The following ANOS1 variants were observed in gnomAD, a reference collection of about 807,000 sequenced individuals.
ANOS1 encodes the protein anosmin-1.
ANOS1 carries 6 observed loss-of-function variants against 59.0 expected under a neutral mutation model. The observed-to-expected ratio is 0.10, with a 90% CI of 0.06 to 0.20. The LOEUF is 0.20. Among genes scored for constraint, ANOS1 ranks in the 10% least tolerant of loss-of-function variants. The probability of loss-of-function intolerance (pLI) is 1.00; values close to 1 mark genes in which losing one functional copy is unlikely to be tolerated. For synonymous variants in ANOS1, 217 were observed against 223.4 expected, an observed-to-expected ratio of 0.97 and a Z score of 0.25; for missense variants, 433 against 542.3, an observed-to-expected ratio of 0.80 and a Z score of 2.00.
At chrX:8,666,195 C>G (rs1407699838) in intron 2 of ANOS1, among the ~76,000 whole-genome samples, 1 of 110,843 alleles carries the variant, frequency 9.0e-6, no homozygotes, top group African/African-American at 3.3e-5. Context: ...CAACCTGTCT[C>G]TAAAAACAAA....
At chrX:8,626,355 A>G (rs759155817) in intron 2 of ANOS1, among the ~76,000 whole-genome samples, 6 of 110,179 alleles carry the variant, frequency 5.4e-5, no homozygotes, top group African/African-American at 2.0e-4. Context: ...AAATTTTTAG[A>G]TGTCATAGTA....
At chrX:8,679,199 C>T (rs868104646) in intron 2 of ANOS1, among the ~76,000 whole-genome samples, 12 of 111,341 alleles carry the variant, frequency 1.1e-4, no homozygotes, top group Admixed American at 9.6e-5. Flanking sequence ...ATGATACCAT[C>T]CTGCCAACCT....
chrX:8,647,045 G>T (rs746464675), intron 2 of ANOS1, among the ~76,000 whole-genome samples: 3 of 110,105 alleles, frequency 2.7e-5, no homozygotes, highest in Non-Finnish European at 5.7e-5. Context: ...AGCATAGAAC[G>T]CTTTGTTCTA....
chrX:8,582,644 G>A (rs1387254910), intron 6 of ANOS1, among the ~76,000 whole-genome samples: 1 of 111,107 alleles, frequency 9.0e-6, no homozygotes, highest in Non-Finnish European at 1.9e-5. Flanking sequence ...CGTTGAGAGA[G>A]GACTAAAAAG....
chrX:8,547,549 A>G (rs145736975), intron 9 of ANOS1, among the ~76,000 whole-genome samples: 14 of 112,119 alleles, frequency 1.2e-4, no homozygotes, highest in African/African-American at 3.6e-4. Context: ...GCAACTGCCT[A>G]ACTGCCTAAG....
At chrX:8,565,473 C>A (rs1418337433) in intron 8 of ANOS1, among the ~76,000 whole-genome samples, 2 of 111,936 alleles carry the variant, frequency 1.8e-5, no homozygotes, top group Admixed American at 1.9e-4. Flanking sequence ...TGTAACTACG[C>A]TGATATTTTC....
chrX:8,608,344 C>T (rs1322059218), intron 3 of ANOS1, among the ~76,000 whole-genome samples: 1 of 111,445 alleles, frequency 9.0e-6, no homozygotes, highest in African/African-American at 3.3e-5. Context: ...CTAAAATCCT[C>T]ATGTAAATAA....
chrX:8,530,631 CT>C lies in ANOS1; in HGVS notation c.*2363del, dbSNP rs906208917. 9.1e-6 allele frequency: 1 copy of C among 109,781 alleles called. No homozygotes were observed. Among genetic ancestry groups the C allele is most frequent in the Admixed American group, 9.8e-5 (1 of 10,231 alleles). The allele number at this position is 109,781 out of a possible 1,213,427, so 9.0% of individuals were successfully genotyped here. A position where few individuals can be genotyped will look rare whatever the true frequency, so the allele number is the denominator to read the frequency against. ...TAGATTTTTTTAAGGGAGATGTAAGCTTCAGAATCACCATCTGAACTAAAAA... is the reference window on the plus strand; with the variant it reads ...TAGATTTTTTTAAGGGAGATGTAAGCTCAGAATCACCATCTGAACTAAAAA... On this transcript the variant is annotated 3_prime_UTR_variant, in exon 14 of 14. Coordinates refer to ENST00000262648, the MANE Select transcript of ANOS1 (RefSeq NM_000216.4).
intron 3 of ANOS1, among the ~76,000 whole-genome samples, chrX:8,618,680 G>A (rs1931217750): frequency 8.9e-6 from 1 of 112,263 alleles, no homozygotes; most frequent in African/African-American, 3.2e-5. Context: ...TAAAATTTAA[G>A]ATTCCATTGA....
At chrX:8,574,745 G>T (rs185796252) in intron 6 of ANOS1, among the ~76,000 whole-genome samples, 30 of 111,655 alleles carry the variant, frequency 2.7e-4, no homozygotes, top group African/African-American at 8.8e-4. Context: ...GACTTGGACT[G>T]GCTTCCTTGC....
intron 2 of ANOS1, among the ~76,000 whole-genome samples, chrX:8,644,068 G>A (rs73631407): frequency 1.8e-5 from 2 of 111,343 alleles, no homozygotes; most frequent in African/African-American, 3.3e-5. Context: ...TGAGGGCTGC[G>A]TCATGGGCCA....
chrX:8,634,640 T>C (rs1271527552), intron 2 of ANOS1, among the ~76,000 whole-genome samples: 1 of 112,094 alleles, frequency 8.9e-6, no homozygotes, highest in Non-Finnish European at 1.9e-5. Context: ...AGATGAAAAG[T>C]ATATGGAAGT....
At chrX:8,556,018 T>A (rs192322067) in intron 8 of ANOS1, among the ~76,000 whole-genome samples, 13 of 112,491 alleles carry the variant, frequency 1.2e-4, no homozygotes, top group Non-Finnish European at 2.3e-4. Flanking sequence ...GCTTCATCCC[T>A]GGGATGCAAG....
At chrX:8,714,464 G>T (rs942278317) in intron 1 of ANOS1, among the ~76,000 whole-genome samples, 18 of 111,089 alleles carry the variant, frequency 1.6e-4, no homozygotes, top group Admixed American at 6.7e-4. Context: ...GATAACATGA[G>T]CTGGGAACTA....
intron 2 of ANOS1, among the ~76,000 whole-genome samples, chrX:8,656,447 C>T (rs886563106): frequency 2.7e-5 from 3 of 111,456 alleles, no homozygotes; most frequent in Non-Finnish European, 3.8e-5. Context: ...TTTCATGATA[C>T]GAGTCAGCCA....
intron 2 of ANOS1, among the ~76,000 whole-genome samples, chrX:8,666,297 T>C (rs1421443486): frequency 8.9e-6 from 1 of 111,964 alleles, no homozygotes; most frequent in African/African-American, 3.2e-5. Flanking sequence ...AGAGTCCCCT[T>C]TGTTGTATTT....
rs985659712 is a variant in ANOS1 at position 8,659,777 on chromosome X, C to T, written c.256-36107G>A. Among the ~76,000 whole-genome samples, 8 of 109,437 alleles carry T rather than the reference C, an allele frequency of 7.3e-5. No individual in the cohort carries two copies. The East Asian group carries it at 8.7e-4, about 12-fold the overall frequency. ...CCGAGTAGCTGGGACTACAAGTGTGCGTCACCACACCCAGCTGATTTTTGT... is the reference window on the plus strand; with the variant it reads ...CCGAGTAGCTGGGACTACAAGTGTGTGTCACCACACCCAGCTGATTTTTGT... On this transcript the variant is annotated intron_variant, in intron 2 of 13. Coordinates refer to ENST00000262648, the MANE Select transcript of ANOS1 (RefSeq NM_000216.4).
rs755516273 is a variant in ANOS1 at position 8,597,178 on chromosome X, C to T, written c.397G>A (p.Asp133Asn). The change falls in exon 4 of 14, where the codon GAC (aspartate) becomes AAC (asparagine). Residue 133 changes from aspartate to asparagine, a missense_variant. Transcript: ENST00000262648. ...CTGGCTTTCTCAGGAGCCGGACAGTCCCCCTGCTTCACCAACAGGATGTAT... is the reference window on the plus strand; with the variant it reads ...CTGGCTTTCTCAGGAGCCGGACAGTTCCCCTGCTTCACCAACAGGATGTAT... ...LKYILLVKQG[D>N]CPAPEKASGF... The T allele has an allele frequency of 1.3e-5, 16 of 1,209,853 alleles. No individual in the cohort carries two copies. Among genetic ancestry groups the T allele is most frequent in the South Asian group, 1.8e-5 (1 of 56,769 alleles).
intron 3 of ANOS1, among the ~76,000 whole-genome samples, chrX:8,600,356 T>C (rs1930820259): frequency 1.8e-5 from 2 of 112,395 alleles, no homozygotes; most frequent in Non-Finnish European, 3.8e-5. Flanking sequence ...TTTTCTTAAT[T>C]AACAAAAGGA....
Sources: allele counts gnomAD v4.1 joint callset (sites outside exome capture counted in the v4.1 genomes callset), GRCh38; gene constraint gnomAD v4.1.1; transcripts MANE v1.5; gene names NCBI Gene and HGNC (gene_info 2026-07-23, HGNC 2026-07-21).